FABP2: variants seen among roughly 807,000 people sequenced by gnomAD.
The protein encoded by FABP2 is fatty acid-binding protein, intestinal.
A neutral mutation model predicts 16.1 loss-of-function variants in FABP2; 11 were observed. The observed-to-expected ratio is 0.68, with a 90% CI of 0.43 to 1.13. The LOEUF (loss-of-function observed/expected upper bound fraction) is 1.13. Ranked by LOEUF, FABP2 falls within the 50% of genes most tolerant of loss-of-function variation. The pLI is 0.00. For missense variants in FABP2, 146 were observed against 155.1 expected (o/e 0.94, Z 0.31); for synonymous variants, 45 against 50.9 (o/e 0.88, Z 0.49).
chr4:119,317,290 T>C lies in FABP2; in HGVS notation c.*1751A>G, dbSNP rs965778926. The C allele has an allele frequency of 6.6e-6, 1 of 152,076 alleles. No homozygotes were observed. 9.4% of individuals were successfully genotyped at this position (152,076 alleles called of 1,614,324 possible). On this transcript the variant is annotated 3_prime_UTR_variant, in exon 4 of 4. Transcript: ENST00000274024. ...TTTATATAAATTTAAGGAGTACAAG[T>C]ATAGTTTTGTTACATTGATATATTG...
intron 1 of FABP2, among the ~76,000 whole-genome samples, chr4:119,321,759 T>C (rs1755672930): frequency 1.3e-5 from 2 of 152,140 alleles, no homozygotes; most frequent in South Asian, 4.1e-4. Context: ...AAAAAGTCAT[T>C]TTTCAGTTAA....
intron 2 of FABP2, 91 bp downstream of exon 2, chr4:119,320,579 A>G (rs1297027450): frequency 9.4e-7 from 1 of 1,067,464 alleles, no homozygotes; most frequent in South Asian, 1.5e-5. Context: ...ACCTGCATTA[A>G]TTAAACCATC....
intron 2 of FABP2, among the ~76,000 whole-genome samples, chr4:119,320,291 ATTTCT>A (rs1755645097): frequency 1.3e-5 from 2 of 152,102 alleles, no homozygotes; most frequent in Non-Finnish European, 2.9e-5. Flanking sequence ...TCATCTATTC[ATTTCT>A]TTTATTATTT....
intron 3 of FABP2, 109 bp downstream of exon 3, chr4:119,319,427 T>C: frequency 1.7e-6 from 1 of 604,810 alleles, no homozygotes; most frequent in Non-Finnish European, 2.9e-6. Flanking sequence ...GTAAGATTTA[T>C]GAGAAAAGAA....
Position 119,318,900 on chromosome 4 carries a change from G to T in FABP2, c.*141C>A. 1 of 582,708 alleles carries T rather than the reference G, an allele frequency of 1.7e-6. No homozygotes were observed. Among genetic ancestry groups the T allele is most frequent in the Non-Finnish European group, 3.0e-6 (1 of 328,968 alleles). 36.1% of individuals were successfully genotyped at this position (582,708 alleles called of 1,614,324 possible). The stretch of plus-strand genomic sequence containing the variant: ...ATTAGCTTTTACTTCTTTTGCTTTG[G>T]CATGAATGGAAATATACCAATGTTT... On this transcript the variant is annotated 3_prime_UTR_variant, in exon 4 of 4. Transcript: ENST00000274024.
At position 119,320,670 on chromosome 4, in the gene FABP2, CCT is replaced by C. The variant is rs748778600; in HGVS notation, c.238_239del (p.Arg80GlyfsTer6). On this transcript the variant is annotated frameshift_variant and splice_region_variant, in exon 2 of 4. Transcript: ENST00000274024. LOFTEE classifies it high-confidence loss of function. ...NYNLADGTEL[R>X]GTWSLEGNKL... is the part of the protein sequence containing the mutation. ...TGCTCATAAAAAAAAAAATTCTTAC[CCT>C]GAGTTCAGTTCCGTCTGCTAGATTG... 1.3e-5 allele frequency: 20 copies of C among 1,558,462 alleles called. No homozygotes were observed. Among genetic ancestry groups the C allele is most frequent in the Non-Finnish European group, 1.5e-5 (17 of 1,163,156 alleles).
intron 3 of FABP2, among the ~76,000 whole-genome samples, 155 bp from the exon 4 acceptor site, chr4:119,319,246 T>G: frequency 6.6e-6 from 1 of 151,774 alleles, no homozygotes; most frequent in East Asian, 1.9e-4. Flanking sequence ...CAATTTTTTC[T>G]TGTACTTGAT....
rs533403484 is a variant in FABP2, at chr4:119,320,685, G to A, written c.225C>T (p.Asp75=). The A allele has an allele frequency of 2.8e-5, 44 of 1,578,742 alleles. 1 individual carries two copies. The highest frequency in any genetic ancestry group is 1.8e-4 in the Middle Eastern group (1 of 5,530). ...LGVTFNYNLA[D]GTELRGTWSL... ...AAATTCTTACCCTGAGTTCAGTTCC[G>A]TCTGCTAGATTGTAATTAAAGGTGA... Residue 75 remains aspartate (D), a synonymous_variant, in exon 2 of 4, where the codon GAC becomes GAT. Transcript: ENST00000274024.
At chr4:119,319,676 T>TAATAAG in intron 2 of FABP2, 33 bp from the exon 3 acceptor site, 1 of 986,540 alleles carries the variant, frequency 1.0e-6, no homozygotes, top group African/African-American at 1.7e-5. Flanking sequence ...ATAATAATAA[T>TAATAAG]AATGGCATTT....
In FABP2 at chr4:119,319,182, T is replaced by G. The variant is rs557031909; in HGVS notation, c.349-91A>C. On this transcript the variant is annotated intron_variant, in intron 3 of 3. Coordinates refer to ENST00000274024, the MANE Select transcript of FABP2 (RefSeq NM_000134.4). ...TATTATAGTTTTATACTATATGAGT[T>G]TATACTATTTTTATATTATATATTC... 2.1e-5 allele frequency: 12 copies of G among 564,752 alleles called. No individual in the cohort carries two copies. In the East Asian group the frequency reaches 4.2e-4, roughly 20 times the overall value. 35.0% of individuals were successfully genotyped at this position (564,752 alleles called of 1,614,324 possible).
rs748232479 is a variant in FABP2, at chr4:119,318,822, A to G, written c.*219T>C. On this transcript the variant is annotated 3_prime_UTR_variant, in exon 4 of 4. Coordinates refer to ENST00000274024, the MANE Select transcript of FABP2 (RefSeq NM_000134.4). ...TTATTTTTGTTTTTTAAAATGTCAC[A>G]AATTCTTTTAGTAAATATATATCTT... is the stretch of plus-strand genomic sequence containing the variant. 2 of 388,420 alleles carry G rather than the reference A, an allele frequency of 5.1e-6. No individual in the cohort carries two copies. Among genetic ancestry groups the G allele is most frequent in the Non-Finnish European group, 9.3e-6 (2 of 214,132 alleles). 24.1% of individuals were successfully genotyped at this position (388,420 alleles called of 1,614,324 possible).
At chr4:119,320,148 G>A (rs1755642389) in intron 2 of FABP2, among the ~76,000 whole-genome samples, 1 of 151,944 alleles carries the variant, frequency 6.6e-6, no homozygotes, top group African/African-American at 2.4e-5. Flanking sequence ...AAAATGTTGA[G>A]GCTAAAAAAA....
Position 119,319,073 on chromosome 4 carries a change from CT to C in FABP2, c.366del (p.Val123Ter). 1 of 1,601,978 alleles carries C rather than the reference CT, an allele frequency of 6.2e-7. No individual in the cohort carries two copies. Among genetic ancestry groups the C allele is most frequent in the Non-Finnish European group, 8.5e-7 (1 of 1,174,800 alleles). ...TTTTTAAAGATCCTTTTGGCTTCTACTCCTTCATATACATAAGTCTGAAAGG... is the reference window on the plus strand; with the variant it reads ...TTTTTAAAGATCCTTTTGGCTTCTACCCTTCATATACATAAGTCTGAAAGG... Reference protein sequence around the residue: ...DELVQTYVYEGVEAKRIFKKD With the variant: ...DELVQTYVYEXVEAKRIFKKD On this transcript the variant is annotated frameshift_variant, in exon 4 of 4. Coordinates refer to ENST00000274024, the MANE Select transcript of FABP2 (RefSeq NM_000134.4). LOFTEE classifies it high-confidence loss of function.
rs1404691745 is a variant in FABP2, at chr4:119,320,729, C to T, written c.181G>A (p.Val61Ile). Residue 61 changes from valine (V) to isoleucine (I), a missense_variant, in exon 2 of 4, where the codon GTT (valine) becomes ATT (isoleucine). Coordinates refer to ENST00000274024, the MANE Select transcript of FABP2 (RefSeq NM_000134.4). ...AAGGTGACACCAAGTTCAAAAACAA[C>T]TTCAATGTTTCGAAAAGTGCTTGAT... ...KESSTFRNIEVVFELGVTFNY... is the reference protein window; with the variant it reads ...KESSTFRNIEIVFELGVTFNY... The T allele has an allele frequency of 1.2e-6, 2 of 1,604,860 alleles. No individual in the cohort carries two copies. Among genetic ancestry groups the T allele is most frequent in the African/African-American group, 2.7e-5 (2 of 74,196 alleles).
At chr4:119,319,793 C>T (rs1427605313) in intron 2 of FABP2, 150 bp from the exon 3 acceptor site, 3 of 321,868 alleles carry the variant, frequency 9.3e-6, no homozygotes, top group Non-Finnish European at 5.4e-6. Flanking sequence ...CTCTACTTTG[C>T]AGAAGAGGAG....
rs1337814341 is a variant in FABP2 at position 119,318,141 on chromosome 4, A to T, written c.*900T>A. The T allele has an allele frequency of 3.3e-5, 5 of 152,258 alleles. No homozygotes were observed. The highest frequency in any genetic ancestry group is 1.2e-4 in the African/African-American group (5 of 41,576). The allele number at this position is 152,258 out of a possible 1,614,324, so 9.4% of individuals were successfully genotyped here. On this transcript the variant is annotated 3_prime_UTR_variant, in exon 4 of 4. Transcript: ENST00000274024. ...GTAATACAATAATTTAATTTAATGT[A>T]GTACATCATTTATTTCCTATCATCC...
At chr4:119,320,932 G>C in intron 1 of FABP2, 90 bp from the exon 2 acceptor site, 5 of 1,163,226 alleles carry the variant, frequency 4.3e-6, no homozygotes, top group Non-Finnish European at 4.6e-6. Flanking sequence ...TTTATTTTGA[G>C]GGTGGGAAGA....
chr4:119,320,659 A>G lies in FABP2; in HGVS notation c.240+11T>C, dbSNP rs1398699852. The G allele has an allele frequency of 1.3e-6, 2 of 1,556,048 alleles. No homozygotes were observed. The highest frequency in any genetic ancestry group is 8.6e-7 in the Non-Finnish European group (1 of 1,163,812). On this transcript the variant is annotated intron_variant, in intron 2 of 3. Transcript: ENST00000274024. ...CAAGAATGCATTGCTCATAAAAAAA[A>G]AAATTCTTACCCTGAGTTCAGTTCC...
chr4:119,318,945 A>G lies in FABP2; in HGVS notation c.*96T>C. 1.1e-6 allele frequency: 1 copy of G among 925,278 alleles called. No homozygotes were observed. The highest frequency in any genetic ancestry group is 1.7e-6 in the Non-Finnish European group (1 of 605,968). The allele number at this position is 925,278 out of a possible 1,614,324, so 57.3% of individuals were successfully genotyped here. ...ATGTTTATAAAAGGACCAATCAATC[A>G]GTAACCTTATACTTGATGGGGTGAA... is the stretch of plus-strand genomic sequence containing the variant. On this transcript the variant is annotated 3_prime_UTR_variant, in exon 4 of 4. Transcript: ENST00000274024.
Sources: allele counts gnomAD v4.1 joint callset (sites outside exome capture counted in the v4.1 genomes callset), GRCh38; gene constraint gnomAD v4.1.1; transcripts MANE v1.5; gene names NCBI Gene and HGNC (gene_info 2026-07-23, HGNC 2026-07-21).